The following GALNT18 variants were observed in gnomAD, a reference collection of about 807,000 sequenced individuals.
GALNT18 encodes polypeptide N-acetylgalactosaminyltransferase 18.
GALNT18 carries 44 observed loss-of-function variants against 69.5 expected under a neutral mutation model. The ratio of observed to expected loss-of-function variants is 0.63; its 90% CI spans 0.50 to 0.81. GALNT18 has a LOEUF of 0.81. Among genes scored for constraint, GALNT18 ranks in the 40% least tolerant of loss-of-function variants. The pLI is 0.00. For synonymous variants in GALNT18, 364 were observed against 318.2 expected, an observed-to-expected ratio of 1.14 and a Z score of -1.53; for missense variants, 715 against 810.0, an observed-to-expected ratio of 0.88 and a Z score of 1.42.
intron 9 of GALNT18, among the ~76,000 whole-genome samples, chr11:11,313,141 G>T (rs1849697548): frequency 6.6e-6 from 1 of 152,136 alleles, no homozygotes. Context: ...GGGGGCTTTG[G>T]CTCTAATGCT....
chr11:11,532,361 C>T lies in GALNT18; in HGVS notation c.236-83425G>A, dbSNP rs142625432. ...TTTTTACAAGTAAGAAACCAGGGCT[C>T]AGAGTCTTCGGATAACTATCCTGAA... is the stretch of plus-strand genomic sequence containing the variant. On this transcript the variant is annotated intron_variant, in intron 1 of 10. Coordinates refer to ENST00000227756, the MANE Select transcript of GALNT18 (RefSeq NM_198516.3). 5.1e-4 allele frequency among the ~76,000 whole-genome samples: 78 copies of T among 152,300 alleles called. 2 individuals are homozygous for T. The East Asian group carries it at 0.013, about 25-fold the overall frequency.
In GALNT18 at chr11:11,340,291, T is replaced by TATCTAAAAACTGCCCAGAATAACTC. The variant is rs1554918735; in HGVS notation, c.1278+527_1278+528insGAGTTATTCTGGGCAGTTTTTAGAT. On this transcript the variant is annotated intron_variant, in intron 7 of 10. Coordinates refer to ENST00000227756, the MANE Select transcript of GALNT18 (RefSeq NM_198516.3). The surrounding 1 kb of genome is among the most constrained non-coding windows in gnomAD (Gnocchi z 4.2). ...ATGATGAGGCTCTGTGAAGGTTAAC[T>TATCTAAAAACTGCCCAGAATAACTC]CCATCTCCTAGTGAAGGTCCCTGTA... 1.3e-5 allele frequency among the ~76,000 whole-genome samples: 2 copies of TATCTAAAAACTGCCCAGAATAACTC among 151,792 alleles called. No homozygotes were observed. Among genetic ancestry groups the TATCTAAAAACTGCCCAGAATAACTC allele is most frequent in the African/African-American group, 2.4e-5 (1 of 41,288 alleles).
At chr11:11,359,069 G>A (rs1422235032) in intron 6 of GALNT18, among the ~76,000 whole-genome samples, 1 of 140,648 alleles carries the variant, frequency 7.1e-6, no homozygotes, top group Non-Finnish European at 1.6e-5. Context: ...TTTCAGCAGA[G>A]GAAAAATGCT....
At chr11:11,349,724 G>A (rs1174845525) in intron 6 of GALNT18, among the ~76,000 whole-genome samples, 6 of 152,168 alleles carry the variant, frequency 3.9e-5, no homozygotes, top group Non-Finnish European at 7.3e-5. Context: ...GTTATCCTCA[G>A]TGCACTTTAC....
intron 3 of GALNT18, among the ~76,000 whole-genome samples, chr11:11,380,562 C>T (rs1853887214): frequency 1.3e-5 from 2 of 152,214 alleles, no homozygotes; most frequent in African/African-American, 4.8e-5. Context: ...AAAGTCACAA[C>T]AACTTTGATT....
Position 11,474,187 on chromosome 11 carries a change from C to T in GALNT18, c.236-25251G>A, listed in dbSNP as rs190754879. Among the ~76,000 whole-genome samples, 641 of 152,320 alleles carry T rather than the reference C, an allele frequency of 4.2e-3. 5 individuals are homozygous for T. The highest frequency in any genetic ancestry group is 5.9e-3 in the Non-Finnish European group (402 of 68,030). On this transcript the variant is annotated intron_variant, in intron 1 of 10. Coordinates refer to ENST00000227756, the MANE Select transcript of GALNT18 (RefSeq NM_198516.3). ...GTAAGAGAAACTTGGAGGAGAGCTG[C>T]TGCTTTAGATAGAGTGGTCAACACA...
At chr11:11,384,135 G>A (rs558041567) in intron 3 of GALNT18, among the ~76,000 whole-genome samples, 7 of 152,112 alleles carry the variant, frequency 4.6e-5, no homozygotes, top group Middle Eastern at 3.4e-3. Flanking sequence ...AAACAAGACA[G>A]TCTGCAATGG....
intron 3 of GALNT18, among the ~76,000 whole-genome samples, chr11:11,428,077 C>G (rs1855174530): frequency 6.6e-6 from 1 of 152,244 alleles, no homozygotes; most frequent in South Asian, 2.1e-4. Flanking sequence ...TCCGTTAGCC[C>G]AGGCTGGTAC....
chr11:11,411,827 C>G (rs1439375353), intron 3 of GALNT18, among the ~76,000 whole-genome samples: 2 of 152,234 alleles, frequency 1.3e-5, no homozygotes, highest in African/African-American at 2.4e-5. Context: ...TAGCCTCGCT[C>G]TGACCCCACA....
intron 1 of GALNT18, chr11:11,475,519 T>A (rs972893111): frequency 6.6e-6 from 1 of 152,246 alleles, no homozygotes; most frequent in East Asian, 1.9e-4. Context: ...GTTTTGTTCC[T>A]TTTAATAATC....
intron 7 of GALNT18, among the ~76,000 whole-genome samples, chr11:11,336,731 C>T (rs1850120791): frequency 6.6e-6 from 1 of 152,126 alleles, no homozygotes. Flanking sequence ...CCTTCTTTTC[C>T]AACTGACCTT....
rs931573793 is a variant in GALNT18, at chr11:11,469,753, G to A, written c.236-20817C>T. Among the ~76,000 whole-genome samples the A allele has an allele frequency of 6.6e-6, 1 of 152,172 alleles. No individual in the cohort carries two copies. The highest frequency in any genetic ancestry group is 2.4e-5 in the African/African-American group (1 of 41,430). On this transcript the variant is annotated intron_variant, in intron 1 of 10. Coordinates refer to ENST00000227756, the MANE Select transcript of GALNT18 (RefSeq NM_198516.3). The surrounding 1 kb of genome is among the most constrained non-coding windows in gnomAD (Gnocchi z 4.2). ...GGGGAATGAGTATAGGCTCCCTTAG[G>A]TGTTTTCAGCTTCCTCTTGCAGACT... is the stretch of plus-strand genomic sequence containing the variant.
In GALNT18 at chr11:11,340,733, C is replaced by T. The variant is rs190067832; in HGVS notation, c.1278+86G>A. Reference sequence around the variant, plus strand: ...ATGGCAAACAGGACTCTGGCTGACCCATAGGAAGAAGGGTTCGGTCCCATA... The same window carrying T: ...ATGGCAAACAGGACTCTGGCTGACCTATAGGAAGAAGGGTTCGGTCCCATA... On this transcript the variant is annotated intron_variant, in intron 7 of 10. Transcript: ENST00000227756. This position sits in a 1 kb window ranked among gnomAD's most constrained non-coding sequence, Gnocchi z 4.2. The T allele has an allele frequency of 1.1e-4, 142 of 1,291,324 alleles. No individual in the cohort carries two copies. The Admixed American group carries it at 1.3e-3, about 12-fold the overall frequency. The allele number at this position is 1,291,324 out of a possible 1,614,324, so 80.0% of individuals were successfully genotyped here. A position where few individuals can be genotyped will look rare whatever the true frequency, so the allele number is the denominator to read the frequency against.
At chr11:11,516,318 G>A (rs11021885) in intron 1 of GALNT18, among the ~76,000 whole-genome samples, 9,174 of 152,230 alleles carry the variant, frequency 0.06, 321 homozygotes, top group Middle Eastern at 0.078. Flanking sequence ...TTAAATTCTC[G>A]TCTCAGCACT....
chr11:11,525,824 G>A (rs1374621206), intron 1 of GALNT18, among the ~76,000 whole-genome samples: 2 of 151,914 alleles, frequency 1.3e-5, no homozygotes, highest in Non-Finnish European at 2.9e-5. Flanking sequence ...AGTAGAGACA[G>A]GGTTTCTCCA....
rs1440957866 is a variant in GALNT18 at position 11,563,576 on chromosome 11, C to A, written c.235+57783G>T. Among the ~76,000 whole-genome samples the A allele has an allele frequency of 6.6e-6, 1 of 152,210 alleles. No individual in the cohort carries two copies. Among genetic ancestry groups the A allele is most frequent in the Non-Finnish European group, 1.5e-5 (1 of 68,040 alleles). On this transcript the variant is annotated intron_variant, in intron 1 of 10. Coordinates refer to ENST00000227756, the MANE Select transcript of GALNT18 (RefSeq NM_198516.3). The surrounding 1 kb of genome is among the most constrained non-coding windows in gnomAD (Gnocchi z 4.6). Reference sequence around the variant, plus strand: ...GTGCAAACAGAGGGCTGTATCATCTCATCTGACTATCACTCCATCCTCATG... The same window carrying A: ...GTGCAAACAGAGGGCTGTATCATCTAATCTGACTATCACTCCATCCTCATG...
At chr11:11,292,311 G>A (rs1404816259) in intron 10 of GALNT18, among the ~76,000 whole-genome samples, 1 of 152,158 alleles carries the variant, frequency 6.6e-6, no homozygotes, top group Admixed American at 6.5e-5. Context: ...TCTGGGCAGA[G>A]GCAGAAGTTC....
chr11:11,530,457 C>T (rs974803350), intron 1 of GALNT18, among the ~76,000 whole-genome samples: 1 of 152,214 alleles, frequency 6.6e-6, no homozygotes, highest in Non-Finnish European at 1.5e-5. Flanking sequence ...AGACCCTGCT[C>T]AAAATGCCAG....
chr11:11,292,370 C>A (rs1849316846), intron 10 of GALNT18, among the ~76,000 whole-genome samples: 1 of 152,084 alleles, frequency 6.6e-6, no homozygotes, highest in Non-Finnish European at 1.5e-5. Context: ...ATAATGGGAG[C>A]TACTAGGGGC....
Sources: gnomAD v4.1 joint callset for allele counts (sites outside exome capture counted in the v4.1 genomes callset) on GRCh38, gnomAD v4.1.1 for gene constraint, Gnocchi (gnomAD v3.1) non-coding constraint, MANE v1.5 for transcripts, NCBI Gene and HGNC (gene_info 2026-07-23, HGNC 2026-07-21) for gene names.